Variants in CR1 observed in about 807,000 individuals in gnomAD.
CR1 encodes the protein complement receptor type 1.
Under a neutral mutation model 187.3 loss-of-function variants are expected in CR1, and 116 were observed. The ratio of observed to expected loss-of-function variants is 0.62; its 90% CI spans 0.53 to 0.72. The LOEUF (loss-of-function observed/expected upper bound fraction) is 0.72. Ranked by LOEUF, CR1 falls within the 30% of genes least tolerant of loss-of-function variation. CR1 has a pLI of 0.00. For missense variants in CR1, 1,731 were observed against 2,110.7 expected (o/e 0.82, Z 3.52); for synonymous variants, 576 against 747.1 (o/e 0.77, Z 3.73).
In CR1 at chr1:207,496,339, A is replaced by G. The variant is rs1426481160; in HGVS notation, c.72A>G (p.Gly24=). 1.2e-6 allele frequency: 2 copies of G among 1,613,096 alleles called. No individual in the cohort carries two copies. The change falls in exon 1 of 47, where the codon GGA becomes GGG. Residue 24 remains glycine, a synonymous_variant. Transcript: ENST00000367049. ...PPAPGLPFCC[G]GSLLAVVVLL... ...CGCCCGGTCTCCCCTTCTGCTGCGG[A>G]GGATCCCTGCTGGCGGTTGTGGTGC...
At chr1:207,619,668 A>C (rs988328564) in intron 42 of CR1, among the ~76,000 whole-genome samples, 1 of 152,188 alleles carries the variant, frequency 6.6e-6, no homozygotes, top group African/African-American at 2.4e-5. Context: ...TGCACAGTAC[A>C]TTCCATATTC....
intron 45 of CR1, among the ~76,000 whole-genome samples, chr1:207,628,879 A>G (rs1425665078): frequency 6.6e-6 from 1 of 152,104 alleles, no homozygotes; most frequent in Non-Finnish European, 1.5e-5. Context: ...CTGAGTCATT[A>G]GGCTATAAAA....
At chr1:207,518,646 A>G (rs1206965879) in intron 4 of CR1, among the ~76,000 whole-genome samples, 1 of 152,150 alleles carries the variant, frequency 6.6e-6, no homozygotes, top group African/African-American at 2.4e-5. Context: ...GCTGCTGGCA[A>G]TCGTTGATGT....
rs759281507 is a variant in CR1 at position 207,607,366 on chromosome 1, C to T, written c.5896+30C>T. ...GTTGAAATACTTTTCTCCACAAATT[C>T]CTCTGTGTGATCCTGACTTGCCCCT... On this transcript the variant is annotated intron_variant, in intron 36 of 46. Transcript: ENST00000367049. The T allele has an allele frequency of 1.6e-5, 25 of 1,530,276 alleles. 1 individual carries two copies. The East Asian group carries it at 5.6e-4, about 34-fold the overall frequency. The allele number at this position is 1,530,276 out of a possible 1,614,324, so 94.8% of individuals were successfully genotyped here.
chr1:207,640,468 C>T lies in CR1; in HGVS notation c.*1059C>T, dbSNP rs1365122047. ...TATTTTCTAAACTTTAATTCAAAAG[C>T]ACTTTGTGCTGTGTTCTATATAAAA... On this transcript the variant is annotated 3_prime_UTR_variant, in exon 47 of 47. Transcript: ENST00000367049. 6.6e-6 allele frequency: 1 copy of T among 152,148 alleles called. No homozygotes were observed. Among genetic ancestry groups the T allele is most frequent in the Non-Finnish European group, 1.5e-5 (1 of 68,038 alleles). 9.4% of individuals were successfully genotyped at this position (152,148 alleles called of 1,614,324 possible).
At chr1:207,508,823 G>A (rs752043339) in intron 3 of CR1, among the ~76,000 whole-genome samples, 21 of 151,896 alleles carry the variant, frequency 1.4e-4, no homozygotes, top group Non-Finnish European at 2.2e-4. Context: ...TCCTTGGAAT[G>A]TAGCAATCTG....
At position 207,515,178 on chromosome 1, in the gene CR1, C is replaced by T. The variant is rs202155715; in HGVS notation, c.487+3524C>T. On this transcript the variant is annotated intron_variant, in intron 4 of 46. Transcript: ENST00000367049. ...ATACATATACATATATAGGTATATACATATATACGTATATATACATATACA... is the reference window on the plus strand; with the variant it reads ...ATACATATACATATATAGGTATATATATATATACGTATATATACATATACA... Among the ~76,000 whole-genome samples the T allele has an allele frequency of 1.5e-5, 2 of 136,444 alleles. 1 individual carries two copies. The highest frequency in any genetic ancestry group is 3.2e-5 in the Non-Finnish European group (2 of 62,878). 89.5% of individuals were successfully genotyped at this position (136,444 alleles called of 152,430 possible). A position where few individuals can be genotyped will look rare whatever the true frequency, so the allele number is the denominator to read the frequency against.
chr1:207,609,076 T>A (rs181282319), intron 36 of CR1, among the ~76,000 whole-genome samples: 2 of 152,146 alleles, frequency 1.3e-5, no homozygotes, highest in East Asian at 1.9e-4. Flanking sequence ...AAACATGGAT[T>A]TTTTTTGTGA....
intron 35 of CR1, among the ~76,000 whole-genome samples, chr1:207,596,168 C>G (rs1226001274): frequency 6.6e-6 from 1 of 151,386 alleles, no homozygotes; most frequent in African/African-American, 2.4e-5. Context: ...GAAACAAGAG[C>G]TAGCAAGCTT....
At chr1:207,598,573 C>T (rs1231137403) in intron 35 of CR1, among the ~76,000 whole-genome samples, 1 of 152,130 alleles carries the variant, frequency 6.6e-6, no homozygotes, top group Admixed American at 6.5e-5. Context: ...GCATGCGCCA[C>T]CACGCTGAGC....
chr1:207,517,621 A>G (rs1182689162), intron 4 of CR1, among the ~76,000 whole-genome samples: 3 of 152,170 alleles, frequency 2.0e-5, no homozygotes, highest in Non-Finnish European at 4.4e-5. Flanking sequence ...TTCAGCAGTG[A>G]AGCAATCTGG....
chr1:207,526,626 T>C, intron 5 of CR1, 127 bp from the exon 6 acceptor site: 1 of 1,451,022 alleles, frequency 6.9e-7, no homozygotes, highest in Non-Finnish European at 9.1e-7. Flanking sequence ...TTTATCAATG[T>C]AATAAGGCTG....
intron 4 of CR1, among the ~76,000 whole-genome samples, chr1:207,522,243 C>G (rs115096248): frequency 0.012 from 1,834 of 152,266 alleles, 23 homozygotes; most frequent in Non-Finnish European, 0.02. Flanking sequence ...TAGGACCACT[C>G]TAATTCAGTC....
intron 4 of CR1, among the ~76,000 whole-genome samples, chr1:207,514,177 TTAAAA>T (rs1258014751): frequency 2.5e-4 from 38 of 152,208 alleles, no homozygotes; most frequent in African/African-American, 8.9e-4. Flanking sequence ...TTTTACATTC[TTAAAA>T]TAAATCAACT....
intron 23 of CR1, 44 bp from the exon 24 acceptor site, chr1:207,565,794 C>T: frequency 6.2e-7 from 1 of 1,609,048 alleles, no homozygotes; most frequent in Non-Finnish European, 8.5e-7. Flanking sequence ...TAAGTGTCCT[C>T]TTGGCTGAAA....
Position 207,609,507 on chromosome 1 carries a change from T to C in CR1, c.6114T>C (p.Thr2038=). ...WSSPPPRCIS[T]NKCTAPEVEN... is the part of the protein sequence containing the mutation. ...GCCCTCCCCCTCGGTGTATTTCTAC[T>C]AATAAATGCACAGCTCCAGAAGTTG... The change falls in exon 37 of 47, where the codon ACT becomes ACC. Residue 2038 remains threonine (T), a synonymous_variant. Coordinates refer to ENST00000367049, the MANE Select transcript of CR1 (RefSeq NM_000651.6). 1 of 1,613,978 alleles carries C rather than the reference T, an allele frequency of 6.2e-7. No homozygotes were observed. Among genetic ancestry groups the C allele is most frequent in the Non-Finnish European group, 8.5e-7 (1 of 1,179,848 alleles).
intron 28 of CR1, 143 bp from the exon 29 acceptor site, chr1:207,577,662 C>A (rs1297779078): frequency 7.6e-7 from 1 of 1,310,182 alleles, no homozygotes; most frequent in Admixed American, 2.1e-5. Flanking sequence ...CCCAGCTACT[C>A]GGGAGGTTGA....
intron 45 of CR1, among the ~76,000 whole-genome samples, chr1:207,627,511 C>T (rs1165271458): frequency 6.6e-6 from 1 of 152,234 alleles, no homozygotes; most frequent in Admixed American, 6.5e-5. Context: ...CCTAAACTTA[C>T]TCCAGGTTTC....
At chr1:207,607,225 T>A in intron 35 of CR1, 26 bp from the exon 36 acceptor site, 1 of 1,562,614 alleles carries the variant, frequency 6.4e-7, no homozygotes, top group Non-Finnish European at 8.8e-7. Context: ...GTGTAGCGTA[T>A]AACCATTTTC....
Sources: gnomAD v4.1 joint callset for allele counts (sites outside exome capture counted in the v4.1 genomes callset) on GRCh38, gnomAD v4.1.1 for gene constraint, MANE v1.5 for transcripts, NCBI Gene and HGNC (gene_info 2026-07-23, HGNC 2026-07-21) for gene names.